RREB1: variants seen among roughly 807,000 people sequenced by gnomAD.
RREB1 encodes the protein ras-responsive element-binding protein 1.
Under a neutral mutation model 117.8 loss-of-function variants are expected in RREB1, and 27 were observed. The ratio of observed to expected loss-of-function variants is 0.23; its 90% CI spans 0.17 to 0.32. The LOEUF (loss-of-function observed/expected upper bound fraction) is 0.32, where lower values mean the gene tolerates loss of function less well. RREB1 is among the 10% of genes least tolerant of loss of function. The probability of loss-of-function intolerance (pLI) is 1.00; values close to 1 mark genes in which losing one functional copy is unlikely to be tolerated. For synonymous variants in RREB1, 1,298 were observed against 1,026.7 expected, an observed-to-expected ratio of 1.26 and a Z score of -5.05; for missense variants, 2,577 against 2,378.2, an observed-to-expected ratio of 1.08 and a Z score of -1.74.
intron 1 of RREB1, among the ~76,000 whole-genome samples, chr6:7,126,418 G>A (rs777339106): frequency 1.2e-4 from 18 of 152,138 alleles, no homozygotes; most frequent in East Asian, 3.9e-4. Flanking sequence ...ACAGGCACAC[G>A]CCACCACATC....
rs928872963 is a variant in RREB1 at position 7,249,095 on chromosome 6, GAGAGAGAGAC to G, written c.*129_*138del. The G allele has an allele frequency of 9.8e-6, 7 of 717,094 alleles. No homozygotes were observed. The Admixed American group carries it at 1.6e-4, about 17-fold the overall frequency. 44.4% of individuals were successfully genotyped at this position (717,094 alleles called of 1,614,324 possible). On this transcript the variant is annotated 3_prime_UTR_variant, in exon 13 of 13. Coordinates refer to ENST00000379938, the MANE Select transcript of RREB1 (RefSeq NM_001003699.4). The stretch of plus-strand genomic sequence containing the variant: ...AGAGAGAGAGAGAGAGAGAGAGAGA[GAGAGAGAGAC>G]AAGCAGGAGCGTGGCTGCTCGCTCA...
At chr6:7,143,116 G>T (rs908980159) in intron 1 of RREB1, among the ~76,000 whole-genome samples, 12 of 152,216 alleles carry the variant, frequency 7.9e-5, no homozygotes, top group African/African-American at 2.7e-4. Flanking sequence ...GTTAGGAAAT[G>T]ATACATAAGG....
At chr6:7,186,730 C>G (rs1369734327) in intron 4 of RREB1, among the ~76,000 whole-genome samples, 2 of 152,212 alleles carry the variant, frequency 1.3e-5, no homozygotes, top group Non-Finnish European at 2.9e-5. Context: ...TCTGAGGGAA[C>G]ATAAAAGGAG....
chr6:7,160,372 G>A (rs374108487), intron 1 of RREB1, among the ~76,000 whole-genome samples: 20 of 152,118 alleles, frequency 1.3e-4, no homozygotes, highest in African/African-American at 4.3e-4. Context: ...ACTTAAAAAA[G>A]CACTGTATTC....
At chr6:7,225,686 G>C (rs1428622444) in intron 8 of RREB1, among the ~76,000 whole-genome samples, 1 of 152,186 alleles carries the variant, frequency 6.6e-6, no homozygotes, top group South Asian at 2.1e-4. Flanking sequence ...CAAGGAAGGG[G>C]AGACAGCCTT....
At chr6:7,236,928 CCT>C (rs1768372625) in intron 10 of RREB1, among the ~76,000 whole-genome samples, 1 of 130,998 alleles carries the variant, frequency 7.6e-6, no homozygotes, top group South Asian at 2.6e-4. Context: ...AAGCTCTCAC[CCT>C]GTCACCCAAG....
chr6:7,108,279 G>T (rs1760930171), intron 1 of RREB1, among the ~76,000 whole-genome samples: 1 of 151,932 alleles, frequency 6.6e-6, no homozygotes, highest in Admixed American at 6.6e-5. Flanking sequence ...AGGGATGAGC[G>T]GGGCAGCCCT....
intron 1 of RREB1, among the ~76,000 whole-genome samples, chr6:7,165,128 A>G (rs1763863440): frequency 6.6e-6 from 1 of 152,144 alleles, no homozygotes; most frequent in Admixed American, 6.5e-5. Flanking sequence ...GAAGGCTGTT[A>G]GAGTTGGAGC....
intron 1 of RREB1, among the ~76,000 whole-genome samples, chr6:7,121,480 T>C (rs1396644977): frequency 6.6e-6 from 1 of 152,208 alleles, no homozygotes; most frequent in Non-Finnish European, 1.5e-5. Flanking sequence ...GGTCACCCGA[T>C]GCCCTTAATA....
At chr6:7,210,025 A>G (rs1298553496) in intron 6 of RREB1, among the ~76,000 whole-genome samples, 2 of 152,262 alleles carry the variant, frequency 1.3e-5, no homozygotes, top group African/African-American at 2.4e-5. Flanking sequence ...CGTTTCCTGT[A>G]TATCTTGGGA....
At chr6:7,218,750 T>A (rs1211612465) in intron 8 of RREB1, 2 of 150,208 alleles carry the variant, frequency 1.3e-5, no homozygotes, top group African/African-American at 4.9e-5. Flanking sequence ...CTAGAGAATG[T>A]CCATACCATA....
intron 8 of RREB1, chr6:7,213,378 C>T (rs2113625065): frequency 6.6e-6 from 1 of 152,290 alleles, no homozygotes; most frequent in Middle Eastern, 3.4e-3. Flanking sequence ...TTTGGCCAGG[C>T]TTGTCTCAAA....
Position 7,246,406 on chromosome 6 carries a change from G to T in RREB1, c.3974-18G>T, listed in dbSNP as rs996529834. The T allele has an allele frequency of 2.1e-6, 3 of 1,462,786 alleles. No individual in the cohort carries two copies. The Admixed American group carries it at 7.2e-5, about 35-fold the overall frequency. The allele number at this position is 1,462,786 out of a possible 1,614,324, so 90.6% of individuals were successfully genotyped here. A position where few individuals can be genotyped will look rare whatever the true frequency, so the allele number is the denominator to read the frequency against. ...GGTGGTGCCCCTCTGAGCCCTCCCC[G>T]CTGTGCTTGCCCCACAGACAGTCAG... On this transcript the variant is annotated intron_variant, in intron 11 of 12. Transcript: ENST00000379938.
At chr6:7,155,591 G>A (rs1350159602) in intron 1 of RREB1, among the ~76,000 whole-genome samples, 1 of 152,252 alleles carries the variant, frequency 6.6e-6, no homozygotes, top group South Asian at 2.1e-4. Context: ...GATTACAGGC[G>A]TGAGCCACAG....
At chr6:7,193,510 T>C (rs1765516871) in intron 6 of RREB1, among the ~76,000 whole-genome samples, 1 of 152,264 alleles carries the variant, frequency 6.6e-6, no homozygotes, top group Non-Finnish European at 1.5e-5. Flanking sequence ...GATATCTGGC[T>C]TCAGAGGCCA....
At chr6:7,130,010 C>T (rs2113348683) in intron 1 of RREB1, among the ~76,000 whole-genome samples, 1 of 152,250 alleles carries the variant, frequency 6.6e-6, no homozygotes, top group Admixed American at 6.5e-5. Context: ...GCTGGTGAAC[C>T]TACTTGTCCC....
intron 1 of RREB1, among the ~76,000 whole-genome samples, chr6:7,115,893 G>C (rs144750637): frequency 6.6e-6 from 1 of 152,172 alleles, no homozygotes; most frequent in Non-Finnish European, 1.5e-5. Flanking sequence ...CTGCCGTCCT[G>C]ACGTATGTCT....
intron 2 of RREB1, among the ~76,000 whole-genome samples, chr6:7,180,524 C>T (rs1186055491): frequency 3.9e-5 from 6 of 152,178 alleles, no homozygotes; most frequent in Admixed American, 3.9e-4. Context: ...GTAGAATATC[C>T]TCCTAGTTAA....
intron 1 of RREB1, among the ~76,000 whole-genome samples, chr6:7,149,485 G>A (rs772644893): frequency 1.3e-5 from 2 of 152,154 alleles, no homozygotes; most frequent in African/African-American, 2.4e-5. Flanking sequence ...GAATTTTAGA[G>A]CTGGAATGGA....
Sources: gnomAD v4.1 joint callset for allele counts (sites outside exome capture counted in the v4.1 genomes callset) on GRCh38, gnomAD v4.1.1 for gene constraint, MANE v1.5 for transcripts, NCBI Gene and HGNC (gene_info 2026-07-23, HGNC 2026-07-21) for gene names.